PSD3: variants seen among roughly 807,000 people sequenced by gnomAD.
PSD3 encodes pleckstrin and Sec7 domain containing 3.
In PSD3, 49 loss-of-function variants were observed where a neutral mutation model predicts 105.5. The ratio of observed to expected loss-of-function variants is 0.46; its 90% confidence interval spans 0.37 to 0.59. The LOEUF is 0.59. Ranked by LOEUF, PSD3 falls within the 20% of genes least tolerant of loss-of-function variation. The pLI, the probability that PSD3 is intolerant of heterozygous loss-of-function variation, is 0.00. For synonymous variants in PSD3, 557 were observed against 457.8 expected, an observed-to-expected ratio of 1.22 and a Z score of -2.77; for missense variants, 1,561 against 1,263.8, an observed-to-expected ratio of 1.24 and a Z score of -3.57.
chr8:18,870,660 C>G (rs1284905301), intron 3 of PSD3, among the ~76,000 whole-genome samples: 2 of 149,806 alleles, frequency 1.3e-5, no homozygotes, highest in Non-Finnish European at 3.0e-5. Flanking sequence ...GCACATGTAC[C>G]CCAGAACCTA....
intron 13 of PSD3, among the ~76,000 whole-genome samples, chr8:18,574,089 A>T (rs1056035697): frequency 6.6e-6 from 1 of 152,190 alleles, no homozygotes; most frequent in African/African-American, 2.4e-5. Flanking sequence ...CAAACTCATA[A>T]ATGAATGGTA....
intron 4 of PSD3, among the ~76,000 whole-genome samples, chr8:18,836,857 A>G (rs1320969959): frequency 6.6e-6 from 1 of 151,658 alleles, no homozygotes; most frequent in Non-Finnish European, 1.5e-5. Flanking sequence ...CCCGCCCAAT[A>G]TTTTTGATCC....
At chr8:18,673,788 C>G (rs1799920717) in intron 9 of PSD3, among the ~76,000 whole-genome samples, 1 of 152,118 alleles carries the variant, frequency 6.6e-6, no homozygotes, top group South Asian at 2.1e-4. Context: ...CTCGACTGAG[C>G]CTAATTTCCT....
At chr8:18,577,465 C>T (rs192321795) in intron 12 of PSD3, among the ~76,000 whole-genome samples, 2 of 152,108 alleles carry the variant, frequency 1.3e-5, no homozygotes, top group Non-Finnish European at 2.9e-5. Flanking sequence ...CCTTCAGACA[C>T]GTATATTAAC....
chr8:18,610,345 T>C (rs2130639509), intron 11 of PSD3, among the ~76,000 whole-genome samples: 1 of 152,376 alleles, frequency 6.6e-6, no homozygotes, highest in South Asian at 2.1e-4. Flanking sequence ...CCAGTGGTTG[T>C]ACTTCAACCA....
chr8:18,807,222 A>G (rs1312283492), intron 4 of PSD3, among the ~76,000 whole-genome samples: 1 of 152,192 alleles, frequency 6.6e-6, no homozygotes, highest in African/African-American at 2.4e-5. Context: ...CCAAGGAAGC[A>G]CTGGCCTTAT....
chr8:18,955,239 AC>A (rs1376336706), intron 1 of PSD3, among the ~76,000 whole-genome samples: 1 of 151,988 alleles, frequency 6.6e-6, no homozygotes, highest in Non-Finnish European at 1.5e-5. Context: ...GATATACATG[AC>A]GTCTCTTTTG....
intron 1 of PSD3, among the ~76,000 whole-genome samples, chr8:19,043,855 C>A (rs1340512798): frequency 1.3e-5 from 2 of 152,216 alleles, no homozygotes; most frequent in Non-Finnish European, 2.9e-5. Context: ...CATAAATTAC[C>A]TAGTCTGTGG....
chr8:18,872,313 T>C lies in PSD3; in HGVS notation c.551A>G (p.Asn184Ser), dbSNP rs201806032. The change falls in exon 3 of 16, where the codon AAC (asparagine) becomes AGC (serine). Residue 184 changes from asparagine to serine, a missense_variant. Physicochemically the swap from Asn to Ser is conservative, Grantham distance 46 (BLOSUM62 1). Coordinates refer to ENST00000327040, the MANE Select transcript of PSD3 (RefSeq NM_015310.4). ...TTTTTGGCCAGCAGGGAGCGTTTTG[T>C]TGACTCTCTGTGTTTTACGACTGGC... ...DTASRKTQRVNKTLPAGQKNL... is the reference protein window; with the variant it reads ...DTASRKTQRVSKTLPAGQKNL... 98 of 1,614,108 alleles carry C rather than the reference T, an allele frequency of 6.1e-5. No individual in the cohort carries two copies. Among genetic ancestry groups the C allele is most frequent in the Non-Finnish European group, 8.1e-5 (95 of 1,180,038 alleles).
chr8:18,963,440 C>G (rs902154795), intron 1 of PSD3, among the ~76,000 whole-genome samples: 1 of 152,186 alleles, frequency 6.6e-6, no homozygotes, highest in Non-Finnish European at 1.5e-5. Context: ...GATTCCCACT[C>G]AAGAATCTTA....
At position 18,787,745 on chromosome 8, in the gene PSD3, A is replaced by ATC. The variant is rs1491569906; in HGVS notation, c.2082+11549_2082+11550insGA. 3.2e-4 allele frequency among the ~76,000 whole-genome samples: 49 copies of ATC among 152,364 alleles called. 2 individuals carry two copies. In the East Asian group the frequency reaches 9.2e-3, roughly 29 times the overall value. Reference sequence around the variant, plus strand: ...TCTCTGTTTGTGTTCGTTTAAAGATACATTAAATGCCCTTTAGAGCAAAGT... The same window carrying ATC: ...TCTCTGTTTGTGTTCGTTTAAAGATATCCATTAAATGCCCTTTAGAGCAAAGT... On this transcript the variant is annotated intron_variant, in intron 8 of 15. Coordinates refer to ENST00000327040, the MANE Select transcript of PSD3 (RefSeq NM_015310.4).
At chr8:18,635,245 C>A (rs1042510139) in intron 10 of PSD3, among the ~76,000 whole-genome samples, 1 of 152,070 alleles carries the variant, frequency 6.6e-6, no homozygotes, top group Non-Finnish European at 1.5e-5. Context: ...CTTGTCCTGG[C>A]CCTGAAATCA....
intron 4 of PSD3, among the ~76,000 whole-genome samples, chr8:18,829,817 TTAC>T (rs944126200): frequency 2.6e-5 from 4 of 152,176 alleles, no homozygotes; most frequent in Admixed American, 1.3e-4. Context: ...GAGAGAATTT[TTAC>T]TACAATTTTG....
At chr8:18,942,293 C>G (rs572394523) in intron 1 of PSD3, among the ~76,000 whole-genome samples, 3 of 152,104 alleles carry the variant, frequency 2.0e-5, no homozygotes, top group Admixed American at 6.5e-5. Context: ...ATGACTCACT[C>G]AAAACTAACA....
At chr8:18,626,251 A>T (rs1490195141) in intron 11 of PSD3, among the ~76,000 whole-genome samples, 4 of 148,474 alleles carry the variant, frequency 2.7e-5, no homozygotes, top group Admixed American at 6.7e-5. Flanking sequence ...AAAGTTAATT[A>T]AAAAAAAAAG....
At chr8:18,971,120 A>C (rs112505321) in intron 1 of PSD3, among the ~76,000 whole-genome samples, 34 of 152,334 alleles carry the variant, frequency 2.2e-4, no homozygotes, top group African/African-American at 7.9e-4. Context: ...ATCCTAGGCC[A>C]CAAGTTTAAA....
intron 1 of PSD3, among the ~76,000 whole-genome samples, chr8:18,951,295 A>G (rs540171677): frequency 5.3e-5 from 8 of 152,072 alleles, no homozygotes; most frequent in Non-Finnish European, 8.8e-5. Context: ...CCTGCTACTC[A>G]GGGGGCTGAG....
At chr8:19,039,033 T>TA (rs1036327545) in intron 1 of PSD3, among the ~76,000 whole-genome samples, 1 of 152,138 alleles carries the variant, frequency 6.6e-6, no homozygotes, top group Non-Finnish European at 1.5e-5. Context: ...TCATCTTCAT[T>TA]ATCTTAATCC....
At chr8:18,560,677 G>A (rs868224370) in intron 14 of PSD3, among the ~76,000 whole-genome samples, 3 of 151,968 alleles carry the variant, frequency 2.0e-5, no homozygotes, top group South Asian at 4.2e-4. Context: ...GCAAGTTTTC[G>A]AAGTCACTTA....
Sources: gnomAD v4.1 joint callset for allele counts (sites outside exome capture counted in the v4.1 genomes callset) on GRCh38, gnomAD v4.1.1 for gene constraint, MANE v1.5 for transcripts, NCBI Gene and HGNC (gene_info 2026-07-23, HGNC 2026-07-21) for gene names.